The following MTREX variants were observed in gnomAD, a reference collection of about 807,000 sequenced individuals.
MTREX encodes exosome RNA helicase MTR4.
A neutral mutation model predicts 135.4 loss-of-function variants in MTREX; 76 were observed. The ratio of observed to expected loss-of-function variants is 0.56; its 90% CI spans 0.47 to 0.68. The LOEUF (loss-of-function observed/expected upper bound fraction) is 0.68. Ranked by LOEUF, MTREX falls within the 30% of genes least tolerant of loss-of-function variation. The probability of loss-of-function intolerance (pLI) is 0.00; values close to 1 mark genes in which losing one functional copy is unlikely to be tolerated. For synonymous variants in MTREX, 404 were observed against 401.6 expected, an observed-to-expected ratio of 1.01 and a Z score of -0.07; for missense variants, 920 against 1,262.1, an observed-to-expected ratio of 0.73 and a Z score of 4.11.
Position 55,322,448 on chromosome 5 carries a change from A to G in MTREX, c.256A>G (p.Ile86Val), listed in dbSNP as rs146685505. 43 of 1,591,886 alleles carry G rather than the reference A, an allele frequency of 2.7e-5. No homozygotes were observed. The highest frequency in any genetic ancestry group is 2.7e-5 in the African/African-American group (2 of 73,682). Residue 86 changes from isoleucine to valine, a missense_variant, in exon 2 of 27, where the codon ATA becomes GTA. Coordinates refer to ENST00000230640, the MANE Select transcript of MTREX (RefSeq NM_015360.5). ...AAAGAAGCCCAGGATAGAAGAGTCA[A>G]TAACTGAAGACTTAAGGTAATATTT... The part of the protein sequence containing the change: ...FGKKPRIEES[I>V]TEDLSLADLM...
chr5:55,392,111 C>G (rs1750578919), intron 19 of MTREX, among the ~76,000 whole-genome samples: 1 of 152,124 alleles, frequency 6.6e-6, no homozygotes, highest in African/African-American at 2.4e-5. Context: ...TATTTGTTGT[C>G]ACTGGTTTGT....
chr5:55,328,322 C>T (rs553319792), intron 4 of MTREX, among the ~76,000 whole-genome samples: 41 of 151,934 alleles, frequency 2.7e-4, no homozygotes, highest in Non-Finnish European at 4.0e-4. Context: ...AGAGTTCCTA[C>T]CTATGAAAGG....
At chr5:55,366,964 T>G in intron 16 of MTREX, 89 bp downstream of exon 16, 1 of 1,126,018 alleles carries the variant, frequency 8.9e-7, no homozygotes, top group Non-Finnish European at 1.2e-6. Context: ...GGCTTTTGTT[T>G]TTGTAAGGTA....
In MTREX at chr5:55,400,437, G is replaced by C; in HGVS notation, c.2481+16G>C. ...AAAAGCACAGGTATGGCAGAAATTT[G>C]GTTTTTATAGTAGAATTCTATATGT... On this transcript the variant is annotated intron_variant, in intron 21 of 26. Coordinates refer to ENST00000230640, the MANE Select transcript of MTREX (RefSeq NM_015360.5). The C allele has an allele frequency of 6.5e-7, 1 of 1,533,700 alleles. No individual in the cohort carries two copies. Among genetic ancestry groups the C allele is most frequent in the Non-Finnish European group, 8.8e-7 (1 of 1,130,686 alleles).
intron 16 of MTREX, among the ~76,000 whole-genome samples, chr5:55,369,780 A>G (rs1432694105): frequency 6.6e-6 from 1 of 152,214 alleles, no homozygotes; most frequent in Non-Finnish European, 1.5e-5. Flanking sequence ...CTACCCTTGG[A>G]ACTAAATAAT....
intron 1 of MTREX, among the ~76,000 whole-genome samples, chr5:55,318,622 A>T (rs1046071450): frequency 5.3e-5 from 8 of 152,130 alleles, no homozygotes; most frequent in African/African-American, 1.9e-4. Flanking sequence ...ACTTGGAGGG[A>T]GGGTGGAAGG....
intron 5 of MTREX, among the ~76,000 whole-genome samples, chr5:55,337,025 A>G (rs907600868): frequency 6.6e-6 from 1 of 152,212 alleles, no homozygotes; most frequent in Non-Finnish European, 1.5e-5. Context: ...TAGTGAAGCC[A>G]TTTAAGCCTA....
intron 22 of MTREX, among the ~76,000 whole-genome samples, chr5:55,406,108 G>A (rs903738837): frequency 6.6e-6 from 1 of 152,120 alleles, no homozygotes; most frequent in African/African-American, 2.4e-5. Flanking sequence ...CTTATTATAA[G>A]CCACAGATTA....
intron 7 of MTREX, among the ~76,000 whole-genome samples, chr5:55,342,945 G>A (rs370688809): frequency 5.4e-4 from 82 of 152,190 alleles, no homozygotes; most frequent in African/African-American, 1.8e-3. Context: ...GAACGATGCC[G>A]TCTGGAATAG....
intron 18 of MTREX, among the ~76,000 whole-genome samples, chr5:55,384,894 C>T (rs754424670): frequency 1.3e-5 from 2 of 152,130 alleles, no homozygotes; most frequent in Non-Finnish European, 2.9e-5. Flanking sequence ...GAGGGCTCCT[C>T]CCACTATCAT....
chr5:55,344,613 A>T lies in MTREX; in HGVS notation c.998A>T (p.Asp333Val), dbSNP rs1396435473. Residue 333 changes from aspartate (D) to valine (V), a missense_variant, in exon 9 of 27, where the codon GAT (aspartate) becomes GTT (valine). Asp to Val is a radical substitution (Grantham distance 152, BLOSUM62 -3). Around this residue, in one of 6 missense-constraint regions of MTREX, gnomAD observed 88 missense variants for 202.5 expected, o/e 0.43. Transcript: ENST00000230640. ...GGAGATGGCCTGCATCTTGTGGTTG[A>T]TGAAAATGTAAGAGAGTAATTGTCC... Reference protein sequence around the residue: ...AGGDGLHLVVDENGDFREDNF... With the variant: ...AGGDGLHLVVVENGDFREDNF... The T allele has an allele frequency of 6.3e-7, 1 of 1,585,220 alleles. No individual in the cohort carries two copies. The highest frequency in any genetic ancestry group is 1.1e-5 in the South Asian group (1 of 89,666).
chr5:55,424,699 C>T lies in MTREX; in HGVS notation c.3077-21C>T, dbSNP rs745314534. ...TGTTTTGTGGTCTTGAAAGTTTAAA[C>T]CTTACTTTCTTTTCTCTTAGGAATC... On this transcript the variant is annotated intron_variant, in intron 26 of 26. Coordinates refer to ENST00000230640, the MANE Select transcript of MTREX (RefSeq NM_015360.5). 3 of 1,593,860 alleles carry T rather than the reference C, an allele frequency of 1.9e-6. No individual in the cohort carries two copies. The South Asian group carries it at 3.3e-5, about 18-fold the overall frequency.
At chr5:55,347,813 C>T (rs561542233) in intron 11 of MTREX, among the ~76,000 whole-genome samples, 7 of 152,304 alleles carry the variant, frequency 4.6e-5, no homozygotes, top group East Asian at 3.9e-4. Flanking sequence ...CACAGTTCCA[C>T]GTGGCTGGGG....
rs569986927 is a variant in MTREX, at chr5:55,372,520, G to A, written c.1810+5645G>A. Among the ~76,000 whole-genome samples, 4 of 152,184 alleles carry A rather than the reference G, an allele frequency of 2.6e-5. No individual in the cohort carries two copies. In the South Asian group the frequency reaches 6.2e-4, roughly 24 times the overall value. ...CCCTAGGAAAGCTTTGTGGGGATAC[G>A]TGCACTATTGTTATCCTCATTTTGC... On this transcript the variant is annotated intron_variant, in intron 16 of 26. Coordinates refer to ENST00000230640, the MANE Select transcript of MTREX (RefSeq NM_015360.5).
At chr5:55,378,122 A>G (rs1449102023) in intron 16 of MTREX, among the ~76,000 whole-genome samples, 192 bp from the exon 17 acceptor site, 1 of 152,228 alleles carries the variant, frequency 6.6e-6, no homozygotes, top group African/African-American at 2.4e-5. Context: ...TAAAGCCTCC[A>G]TAAAAGGCAC....
intron 12 of MTREX, among the ~76,000 whole-genome samples, chr5:55,350,649 TGAG>T (rs1749812790): frequency 6.6e-6 from 1 of 152,212 alleles, no homozygotes; most frequent in Non-Finnish European, 1.5e-5. Flanking sequence ...AATTGTTTTT[TGAG>T]GAGATGAAGT....
chr5:55,319,362 A>G (rs1401799467), intron 1 of MTREX, among the ~76,000 whole-genome samples: 26 of 152,230 alleles, frequency 1.7e-4, no homozygotes, highest in Admixed American at 1.6e-3. Flanking sequence ...TGTAATATGT[A>G]CTAGTCTTTG....
intron 1 of MTREX, among the ~76,000 whole-genome samples, chr5:55,314,714 G>T (rs1437206346): frequency 1.3e-5 from 2 of 152,144 alleles, no homozygotes; most frequent in Non-Finnish European, 1.5e-5. Flanking sequence ...CCTATTTTAA[G>T]CCAACCATCG....
At chr5:55,350,809 A>T in intron 12 of MTREX, 110 bp from the exon 13 acceptor site, 2 of 863,082 alleles carry the variant, frequency 2.3e-6, no homozygotes, top group Non-Finnish European at 3.6e-6. Context: ...AGATTTTATT[A>T]AGTTTCTTTA....
Sources: allele counts gnomAD v4.1 joint callset (sites outside exome capture counted in the v4.1 genomes callset), GRCh38; gene constraint gnomAD v4.1.1; regional missense constraint gnomAD v4.1.1; transcripts MANE v1.5; gene names NCBI Gene and HGNC (gene_info 2026-07-23, HGNC 2026-07-21).